Variants in H2BC12 observed in about 807,000 individuals in gnomAD.
H2BC12 encodes histone H2B type 1-K.
Under a neutral mutation model 6.3 loss-of-function variants are expected in H2BC12, and 6 were observed. The ratio of observed to expected loss-of-function variants is 0.95; its 90% CI spans 0.52 to 1.87. The LOEUF is 1.87. H2BC12 is among the 40% of genes most tolerant of loss of function. The probability of loss-of-function intolerance (pLI) is 0.01; values close to 1 mark genes in which losing one functional copy is unlikely to be tolerated. For synonymous variants in H2BC12, 132 were observed against 78.5 expected (o/e 1.68, Z -3.60); for missense variants, 119 against 178.4 (o/e 0.67, Z 1.90).
the H2BC12 span, chr6:27,140,002 GGGCTCCAC>G: frequency 1.0e-5 from 2 of 191,698 alleles, no homozygotes; most frequent in East Asian, 2.9e-4. Context: ...TGAGTTTGAT[GGGCTCCAC>G]TAAATGCTAG....
At chr6:27,139,129 C>G in the H2BC12 span, 1 of 582,100 alleles carries the variant, frequency 1.7e-6, no homozygotes, top group East Asian at 3.0e-5. Flanking sequence ...TTAAAAAGGA[C>G]TGAAGGAGAA....
At chr6:27,146,292 C>G (rs977984267), downstream of H2BC12, 3 of 1,488,062 alleles carry the variant, frequency 2.0e-6, no homozygotes, top group Admixed American at 2.0e-5. Flanking sequence ...ATGATAATCC[C>G]TTTAAAAAGA....
At chr6:27,139,675 G>A in the H2BC12 span, 2,247 of 1,539,124 alleles carry the variant, frequency 1.5e-3, 18 homozygotes, top group African/African-American at 0.019. Context: ...GGGCCCCTAA[G>A]CTTTCAACAA....
chr6:27,143,817 C>T (rs1029096716), downstream of H2BC12, among the ~76,000 whole-genome samples: 6 of 113,188 alleles, frequency 5.3e-5, no homozygotes, highest in Non-Finnish European at 8.6e-5. Flanking sequence ...AATCACACAG[C>T]AATTATTGCA....
At chr6:27,142,170 G>GA (rs1471121792), downstream of H2BC12, among the ~76,000 whole-genome samples, 8 of 151,858 alleles carry the variant, frequency 5.3e-5, no homozygotes, top group African/African-American at 1.9e-4. Flanking sequence ...GATTTGAAAT[G>GA]AAAAAAGAAT....
In H2BC12 at chr6:27,146,446, G is replaced by A; in HGVS notation, c.353C>T (p.Ala118Val). The A allele has an allele frequency of 6.2e-7, 1 of 1,614,240 alleles. No homozygotes were observed. Among genetic ancestry groups the A allele is most frequent in the Non-Finnish European group, 8.5e-7 (1 of 1,180,050 alleles). Residue 118 changes from alanine to valine, a missense_variant, in exon 1 of 1, where the codon GCC becomes GTC. This residue lies in a region of H2BC12 where 69 missense variants were observed against 141.0 expected (regional missense o/e 0.49). Transcript: ENST00000356950. ...AKHAVSEGTK[A>V]VTKYTSAK ...CTTAGCGCTGGTGTACTTGGTGACG[G>A]CCTTGGTGCCCTCGGACACGGCGTG...
chr6:27,142,467 T>G (rs1760017846), downstream of H2BC12, among the ~76,000 whole-genome samples: 1 of 151,226 alleles, frequency 6.6e-6, no homozygotes, highest in Non-Finnish European at 1.5e-5. Context: ...TAGAGACATG[T>G]TGGCCAGGCT....
downstream of H2BC12, among the ~76,000 whole-genome samples, chr6:27,145,981 C>T (rs560076200): frequency 6.6e-6 from 1 of 152,148 alleles, no homozygotes; most frequent in Non-Finnish European, 1.5e-5. Context: ...ACTGGAACGC[C>T]ATCGGGAACC....
downstream of H2BC12, among the ~76,000 whole-genome samples, chr6:27,141,884 C>T (rs550893358): frequency 9.2e-5 from 14 of 152,306 alleles, no homozygotes; most frequent in Non-Finnish European, 1.5e-4. Flanking sequence ...AGGTCAAGTT[C>T]TGCTCATTGA....
chr6:27,143,920 A>G (rs1253380791), downstream of H2BC12, among the ~76,000 whole-genome samples: 1 of 152,040 alleles, frequency 6.6e-6, no homozygotes, highest in Non-Finnish European at 1.5e-5. Context: ...ACAATTTAAA[A>G]GAGATTATGA....
chr6:27,141,813 C>T (rs1019796431), downstream of H2BC12, among the ~76,000 whole-genome samples: 3 of 152,082 alleles, frequency 2.0e-5, no homozygotes, highest in Non-Finnish European at 1.5e-5. Context: ...TAGGAAAAAC[C>T]GTAGTAGGTG....
chr6:27,146,280 T>C, downstream of H2BC12: 8 of 1,408,436 alleles, frequency 5.7e-6, no homozygotes, highest in Non-Finnish European at 7.8e-6. Flanking sequence ...TGTGATAAGA[T>C]CATGATAATC....
downstream of H2BC12, among the ~76,000 whole-genome samples, chr6:27,146,175 T>C (rs1265449788): frequency 2.6e-5 from 4 of 152,196 alleles, no homozygotes; most frequent in Non-Finnish European, 5.9e-5. Flanking sequence ...ACATCCCTAA[T>C]TTTTTAGGCG....
the H2BC12 span, chr6:27,139,559 C>A: frequency 1.9e-6 from 3 of 1,613,984 alleles, no homozygotes; most frequent in Non-Finnish European, 2.5e-6. Context: ...ACGGTCACCG[C>A]CATGGACGTG....
At chr6:27,146,003 T>C (rs770733125), downstream of H2BC12, among the ~76,000 whole-genome samples, 1 of 152,124 alleles carries the variant, frequency 6.6e-6, no homozygotes, top group Non-Finnish European at 1.5e-5. Flanking sequence ...AATTTACTAA[T>C]ATATAAACTC....
chr6:27,146,095 C>A (rs1377754664), downstream of H2BC12, among the ~76,000 whole-genome samples: 3 of 152,138 alleles, frequency 2.0e-5, no homozygotes, highest in Admixed American at 6.5e-5. Flanking sequence ...TCACAGCACT[C>A]GACACAACGG....
downstream of H2BC12, among the ~76,000 whole-genome samples, chr6:27,144,460 T>TCGGCGG (rs1491530813): frequency 1.1e-4 from 2 of 17,624 alleles, 1 homozygote; most frequent in African/African-American, 7.9e-4. Context: ...AGACTCTGTC[T>TCGGCGG]GGGGGGGGGG....
downstream of H2BC12, among the ~76,000 whole-genome samples, chr6:27,142,460 A>C (rs1226265422): frequency 6.6e-6 from 1 of 150,510 alleles, no homozygotes; most frequent in East Asian, 1.9e-4. Flanking sequence ...TTTTAAGTAG[A>C]GACATGTTGG....
At chr6:27,143,367 T>G (rs890582128), downstream of H2BC12, among the ~76,000 whole-genome samples, 1 of 127,466 alleles carries the variant, frequency 7.8e-6, no homozygotes, top group Admixed American at 8.1e-5. Context: ...AGAAAAAAAT[T>G]TCCTTTCCTT....
Sources: allele counts gnomAD v4.1 joint callset (sites outside exome capture counted in the v4.1 genomes callset), GRCh38; gene constraint gnomAD v4.1.1; regional missense constraint gnomAD v4.1.1; transcripts MANE v1.5; gene names NCBI Gene and HGNC (gene_info 2026-07-23, HGNC 2026-07-21).